Variants in AOPEP observed in about 807,000 individuals in gnomAD.
AOPEP encodes the protein aminopeptidase O (putative), also known as aminopeptidase O.
In AOPEP, 77 loss-of-function variants were observed where a neutral mutation model predicts 98.1. That is an observed-to-expected ratio of 0.78 (90% confidence interval 0.65 to 0.95). The LOEUF (loss-of-function observed/expected upper bound fraction) is 0.95. AOPEP is among the 40% of genes least tolerant of loss of function. The pLI is 0.00. For missense variants in AOPEP, 1,024 were observed against 1,024.7 expected, an observed-to-expected ratio of 1.00 and a Z score of 0.01; for synonymous variants, 346 against 365.3, an observed-to-expected ratio of 0.95 and a Z score of 0.60.
At chr9:94,855,993 G>A (rs2044164785) in intron 5 of AOPEP, among the ~76,000 whole-genome samples, 1 of 152,166 alleles carries the variant, frequency 6.6e-6, no homozygotes, top group East Asian at 1.9e-4. Flanking sequence ...TTATACGTAG[G>A]TTTCTTGCCT....
At chr9:94,830,665 C>T (rs956413607) in intron 5 of AOPEP, among the ~76,000 whole-genome samples, 10 of 152,246 alleles carry the variant, frequency 6.6e-5, no homozygotes, top group Admixed American at 2.6e-4. Flanking sequence ...TTTACACTCT[C>T]ACCAAGTGTA....
intron 7 of AOPEP, among the ~76,000 whole-genome samples, chr9:94,942,810 C>G (rs2057153363): frequency 6.7e-6 from 1 of 148,890 alleles, no homozygotes; most frequent in Non-Finnish European, 1.5e-5. Flanking sequence ...AGGAAAAATT[C>G]ATTTACATCG....
intron 7 of AOPEP, among the ~76,000 whole-genome samples, chr9:94,942,059 T>G (rs569335782): frequency 2.0e-5 from 3 of 152,374 alleles, no homozygotes; most frequent in African/African-American, 7.2e-5. Context: ...ATATTGCTGC[T>G]CCGTGTAGCA....
At chr9:95,032,418 A>G (rs2064393261) in intron 13 of AOPEP, among the ~76,000 whole-genome samples, 2 of 152,380 alleles carry the variant, frequency 1.3e-5, no homozygotes, top group South Asian at 4.1e-4. Flanking sequence ...TGAGGCTTTC[A>G]GATATGTTAT....
intron 13 of AOPEP, among the ~76,000 whole-genome samples, chr9:95,038,097 T>C (rs937789366): frequency 3.4e-4 from 52 of 152,200 alleles, no homozygotes; most frequent in African/African-American, 1.2e-3. Flanking sequence ...CCGAAAGTTA[T>C]ATGTACTGTC....
At chr9:95,079,808 C>T (rs1451283072) in intron 14 of AOPEP, among the ~76,000 whole-genome samples, 1 of 152,192 alleles carries the variant, frequency 6.6e-6, no homozygotes, top group Non-Finnish European at 1.5e-5. Flanking sequence ...CCACCTTTAG[C>T]TTGTCTGTTT....
chr9:94,856,021 A>G (rs149025700), intron 5 of AOPEP, among the ~76,000 whole-genome samples: 11 of 152,256 alleles, frequency 7.2e-5, no homozygotes, highest in African/African-American at 1.2e-4. Flanking sequence ...CTCACACCCT[A>G]TGTTCTATCT....
At chr9:94,756,930 A>G (rs1435811733) in intron 1 of AOPEP, among the ~76,000 whole-genome samples, 1 of 152,156 alleles carries the variant, frequency 6.6e-6, no homozygotes, top group African/African-American at 2.4e-5. Flanking sequence ...GTTTCCAGGT[A>G]CCTTTGGCTC....
chr9:94,741,418 G>A (rs563846511), intron 1 of AOPEP, among the ~76,000 whole-genome samples: 19 of 151,888 alleles, frequency 1.3e-4, no homozygotes, highest in South Asian at 8.3e-4. Context: ...GACTACAGGC[G>A]CCCGCCACCA....
At chr9:94,920,626 C>G (rs1489920731) in intron 5 of AOPEP, among the ~76,000 whole-genome samples, 1 of 152,208 alleles carries the variant, frequency 6.6e-6, no homozygotes, top group African/African-American at 2.4e-5. Context: ...TCCATTTCCG[C>G]TCCAAATTGA....
chr9:94,983,283 G>A (rs1014747699), intron 11 of AOPEP, among the ~76,000 whole-genome samples: 5 of 152,012 alleles, frequency 3.3e-5, no homozygotes, highest in African/African-American at 7.2e-5. Context: ...TTGGCCTCCC[G>A]AAGTGCTGGG....
chr9:95,146,332 C>A, the AOPEP span, among the ~76,000 whole-genome samples: 1 of 150,132 alleles, frequency 6.7e-6, no homozygotes, highest in African/African-American at 2.5e-5. Flanking sequence ...ACCGAAAATA[C>A]AAAAAATTAG....
At chr9:95,116,227 G>A in the AOPEP span, among the ~76,000 whole-genome samples, 2 of 152,320 alleles carry the variant, frequency 1.3e-5, no homozygotes, top group East Asian at 1.9e-4. Flanking sequence ...GCTGACTTTA[G>A]GCTTTGCTGA....
chr9:94,755,352 G>A (rs1836769162), intron 1 of AOPEP, among the ~76,000 whole-genome samples: 1 of 152,188 alleles, frequency 6.6e-6, no homozygotes, highest in Non-Finnish European at 1.5e-5. Flanking sequence ...TGCAACCACA[G>A]GCAGTTCAGT....
At chr9:94,845,821 A>G (rs2042792855) in intron 5 of AOPEP, among the ~76,000 whole-genome samples, 1 of 152,168 alleles carries the variant, frequency 6.6e-6, no homozygotes, top group Non-Finnish European at 1.5e-5. Context: ...GGCCGGGTGC[A>G]GTGGCTCACG....
chr9:94,755,059 AATAC>A (rs1376911472), intron 1 of AOPEP, among the ~76,000 whole-genome samples: 1 of 152,214 alleles, frequency 6.6e-6, no homozygotes, highest in African/African-American at 2.4e-5. Context: ...AAGCATTTAA[AATAC>A]ATACCACATA....
intron 5 of AOPEP, among the ~76,000 whole-genome samples, chr9:94,912,709 C>T (rs1052621216): frequency 6.6e-6 from 1 of 152,196 alleles, no homozygotes; most frequent in Non-Finnish European, 1.5e-5. Flanking sequence ...AAGTTGCTTT[C>T]CTGATGAAAG....
chr9:95,114,376 C>T, the AOPEP span: 17 of 529,822 alleles, frequency 3.2e-5, no homozygotes, highest in East Asian at 2.8e-4. Context: ...TAAAACCAGA[C>T]GTTAATGTAG....
At chr9:95,108,827 G>GA in the AOPEP span, among the ~76,000 whole-genome samples, 3 of 151,792 alleles carry the variant, frequency 2.0e-5, no homozygotes, top group Admixed American at 2.0e-4. Flanking sequence ...TACACATAAT[G>GA]CCTTGTATCT....
Sources: gnomAD v4.1 joint callset for allele counts (sites outside exome capture counted in the v4.1 genomes callset) on GRCh38, gnomAD v4.1.1 for gene constraint, MANE v1.5 for transcripts, NCBI Gene and HGNC (gene_info 2026-07-23, HGNC 2026-07-21) for gene names.